DDB1: variants seen among roughly 807,000 people sequenced by gnomAD.
DDB1 encodes the protein DNA damage-binding protein 1.
A neutral mutation model predicts 133.1 loss-of-function variants in DDB1; 18 were observed. The ratio of observed to expected loss-of-function variants is 0.14; its 90% CI spans 0.09 to 0.20. The LOEUF (loss-of-function observed/expected upper bound fraction) is 0.20. DDB1 is among the 10% of genes least tolerant of loss of function. DDB1 has a pLI of 1.00. For synonymous variants in DDB1, 580 were observed against 550.5 expected, an observed-to-expected ratio of 1.05 and a Z score of -0.75; for missense variants, 828 against 1,459.2, an observed-to-expected ratio of 0.57 and a Z score of 7.05.
At chr11:61,301,470 C>A (rs1358830158) in intron 25 of DDB1, 1 of 152,644 alleles carries the variant, frequency 6.6e-6, no homozygotes, top group Non-Finnish European at 1.5e-5. Context: ...ATTCGGGAGG[C>A]TGAGATGGGA....
At chr11:61,306,117 C>T (rs987176810) in intron 21 of DDB1, among the ~76,000 whole-genome samples, 3 of 151,480 alleles carry the variant, frequency 2.0e-5, no homozygotes, top group Admixed American at 6.6e-5. Context: ...CAGATATGTC[C>T]TCACCTGACC....
chr11:61,315,910 T>C (rs1387038292), intron 12 of DDB1: 1 of 165,040 alleles, frequency 6.1e-6, no homozygotes, highest in African/African-American at 2.4e-5. Flanking sequence ...TTTGGCATTT[T>C]CTAATTTTAT....
intron 21 of DDB1, among the ~76,000 whole-genome samples, chr11:61,306,786 T>C (rs977376498): frequency 3.9e-5 from 6 of 152,176 alleles, no homozygotes; most frequent in African/African-American, 1.4e-4. Flanking sequence ...ACTCGACTTG[T>C]ATTAAATTTT....
chr11:61,302,985 C>T, intron 23 of DDB1, 61 bp downstream of exon 23: 1 of 1,475,782 alleles, frequency 6.8e-7, no homozygotes, highest in Non-Finnish European at 9.5e-7. Context: ...ATGCTTGCAT[C>T]CACCAGAGAC....
chr11:61,327,115 C>A (rs1425183337), intron 4 of DDB1, among the ~76,000 whole-genome samples: 3 of 152,128 alleles, frequency 2.0e-5, no homozygotes, highest in African/African-American at 7.2e-5. Flanking sequence ...ACAATTCAAC[C>A]AACCAAGAAA....
chr11:61,314,532 G>A, intron 12 of DDB1, 46 bp from the exon 13 acceptor site: 1 of 1,564,234 alleles, frequency 6.4e-7, no homozygotes, highest in Non-Finnish European at 8.7e-7. Context: ...ATCTGCCAGG[G>A]TCCACACAGG....
intron 10 of DDB1, among the ~76,000 whole-genome samples, chr11:61,318,397 G>T (rs910590160): frequency 3.3e-5 from 5 of 152,134 alleles, no homozygotes; most frequent in African/African-American, 1.2e-4. Context: ...CCCTTCTATA[G>T]AGGATGCACA....
In DDB1 at chr11:61,309,785, C is replaced by A. The variant is rs746594152; in HGVS notation, c.2566+11G>T. ...CACATCCCTCAGAAACTGGAGACTG[C>A]GCCCACTTACCATCCGAATACTGAA... On this transcript the variant is annotated intron_variant, in intron 20 of 26. Coordinates refer to ENST00000301764, the MANE Select transcript of DDB1 (RefSeq NM_001923.5). The A allele has an allele frequency of 6.8e-6, 11 of 1,607,304 alleles. No individual in the cohort carries two copies. In the South Asian group the frequency reaches 1.1e-4, roughly 16 times the overall value.
intron 17 of DDB1, 45 bp from the exon 18 acceptor site, chr11:61,311,940 A>AG: frequency 1.2e-6 from 2 of 1,613,918 alleles, no homozygotes; most frequent in East Asian, 4.5e-5. Flanking sequence ...GAAAGTCAGA[A>AG]GCACCCTACA....
chr11:61,306,843 C>T (rs1855889728), intron 21 of DDB1, among the ~76,000 whole-genome samples: 1 of 152,218 alleles, frequency 6.6e-6, no homozygotes, highest in African/African-American at 2.4e-5. Context: ...GATGACTGTT[C>T]TTTTACATTC....
rs911759058 is a variant in DDB1 at position 61,332,992 on chromosome 11, G to T, written c.-24C>A. ...ATGTCGAGGCTTGGAGCGGCCCGTC[G>T]GGACTCGAGCGCGACACTAGAAAGA... On this transcript the variant is annotated 5_prime_UTR_variant, in exon 1 of 27. Coordinates refer to ENST00000301764, the MANE Select transcript of DDB1 (RefSeq NM_001923.5). 2.0e-6 allele frequency: 3 copies of T among 1,488,934 alleles called. No homozygotes were observed. Among genetic ancestry groups the T allele is most frequent in the Non-Finnish European group, 1.8e-6 (2 of 1,110,606 alleles). 92.2% of individuals were successfully genotyped at this position (1,488,934 alleles called of 1,614,324 possible).
chr11:61,300,018 G>A lies in DDB1; in HGVS notation c.*118C>T. ...TCCACATAGGGGAACTGTGGCTCTG[G>A]GGGCAGCTGGCTTAGGGAAAGGCCT... On this transcript the variant is annotated 3_prime_UTR_variant, in exon 27 of 27. Transcript: ENST00000301764. 1.1e-6 allele frequency: 1 copy of A among 939,492 alleles called. No homozygotes were observed. Among genetic ancestry groups the A allele is most frequent in the Non-Finnish European group, 1.7e-6 (1 of 591,606 alleles). The allele number at this position is 939,492 out of a possible 1,614,324, so 58.2% of individuals were successfully genotyped here.
Position 61,317,177 on chromosome 11 carries a change from G to A in DDB1, c.1226-610C>T, listed in dbSNP as rs187384590. On this transcript the variant is annotated intron_variant, in intron 10 of 26. Coordinates refer to ENST00000301764, the MANE Select transcript of DDB1 (RefSeq NM_001923.5). ...TCACCAGGCTGGAGTGCAGTGGCCCGATCTCAGCTCACTGCAAGCTCCACC... is the reference window on the plus strand; with the variant it reads ...TCACCAGGCTGGAGTGCAGTGGCCCAATCTCAGCTCACTGCAAGCTCCACC... Among the ~76,000 whole-genome samples, 341 of 151,654 alleles carry A rather than the reference G, an allele frequency of 2.2e-3. 5 individuals carry two copies. Among genetic ancestry groups the A allele is most frequent in the African/African-American group, 7.3e-3 (301 of 41,386 alleles).
At chr11:61,301,127 C>T in intron 25 of DDB1, 195 bp from the exon 26 acceptor site, 1 of 706,328 alleles carries the variant, frequency 1.4e-6, no homozygotes, top group Non-Finnish European at 2.3e-6. Flanking sequence ...AATTGGTTCT[C>T]AATTGGGGTG....
At chr11:61,307,354 A>G (rs1855895541) in intron 21 of DDB1, among the ~76,000 whole-genome samples, 1 of 152,234 alleles carries the variant, frequency 6.6e-6, no homozygotes, top group Non-Finnish European at 1.5e-5. Context: ...GCTCTGATCA[A>G]GTTTACCACT....
chr11:61,317,217 C>G (rs1856103774), intron 10 of DDB1, among the ~76,000 whole-genome samples: 1 of 151,306 alleles, frequency 6.6e-6, no homozygotes, highest in African/African-American at 2.4e-5. Context: ...GGGTTCACAC[C>G]ATTCTCCTGC....
In DDB1 at chr11:61,320,735, G is replaced by A. The variant is rs1250878505; in HGVS notation, c.1225+860C>T. 2.6e-5 allele frequency among the ~76,000 whole-genome samples: 4 copies of A among 152,096 alleles called. No individual in the cohort carries two copies. The East Asian group carries it at 7.7e-4, about 29-fold the overall frequency. ...ATGTGCCTCCTATATACAACTTTAAGGTGGTTTTGTTTTATGATTTAATCT... is the reference window on the plus strand; with the variant it reads ...ATGTGCCTCCTATATACAACTTTAAAGTGGTTTTGTTTTATGATTTAATCT... On this transcript the variant is annotated intron_variant, in intron 10 of 26. Coordinates refer to ENST00000301764, the MANE Select transcript of DDB1 (RefSeq NM_001923.5).
intron 25 of DDB1, chr11:61,301,232 T>C: frequency 3.5e-6 from 1 of 283,298 alleles, no homozygotes; most frequent in Non-Finnish European, 6.7e-6. Context: ...TAGGCAAAGC[T>C]GATGCACAAG....
intron 4 of DDB1, chr11:61,327,673 T>C (rs1041329552): frequency 6.6e-6 from 1 of 152,222 alleles, no homozygotes; most frequent in Non-Finnish European, 1.5e-5. Flanking sequence ...GTCAACATCA[T>C]CTTCCCCTCC....
Sources: gnomAD v4.1 joint callset for allele counts (sites outside exome capture counted in the v4.1 genomes callset) on GRCh38, gnomAD v4.1.1 for gene constraint, MANE v1.5 for transcripts, NCBI Gene and HGNC (gene_info 2026-07-23, HGNC 2026-07-21) for gene names.